CAST: variants seen among roughly 807,000 people sequenced by gnomAD.
CAST encodes the protein calpastatin.
A neutral mutation model predicts 119.6 loss-of-function variants in CAST; 76 were observed. The ratio of observed to expected loss-of-function variants is 0.64; its 90% CI spans 0.53 to 0.77. CAST has a LOEUF of 0.77. Among genes scored for constraint, CAST ranks in the 30% least tolerant of loss-of-function variants. CAST has a pLI of 0.00. For synonymous variants in CAST, 319 were observed against 331.6 expected (o/e 0.96, Z 0.41); for missense variants, 953 against 946.5 (o/e 1.01, Z -0.09).
chr5:96,633,664 A>G (rs1490128677), intron 1 of CAST, among the ~76,000 whole-genome samples: 1 of 152,212 alleles, frequency 6.6e-6, no homozygotes, highest in Admixed American at 6.5e-5. Flanking sequence ...CTATTTATTT[A>G]TGCCAATTTC....
At chr5:96,475,600 G>A in the CAST span, among the ~76,000 whole-genome samples, 1 of 152,206 alleles carries the variant, frequency 6.6e-6, no homozygotes, top group Admixed American at 6.5e-5. Flanking sequence ...GAGCCTCTGT[G>A]TAGAGGTTTG....
At chr5:96,112,353 A>G in the CAST span, among the ~76,000 whole-genome samples, 1 of 152,152 alleles carries the variant, frequency 6.6e-6, no homozygotes, top group Non-Finnish European at 1.5e-5. Context: ...TACTGAGTGA[A>G]AGTAAACATC....
the CAST span, among the ~76,000 whole-genome samples, chr5:96,410,282 G>A: frequency 2.0e-5 from 3 of 152,074 alleles, no homozygotes; most frequent in Admixed American, 2.0e-4. Context: ...GTTCACCTCA[G>A]GGGACACTGA....
chr5:96,203,287 A>G, the CAST span, among the ~76,000 whole-genome samples: 2 of 151,726 alleles, frequency 1.3e-5, no homozygotes, highest in African/African-American at 4.8e-5. Context: ...TCTTTTCATT[A>G]TTATGGTGTA....
Position 96,726,794 on chromosome 5 carries a change from G to A in CAST, c.271G>A (p.Ala91Thr), listed in dbSNP as rs1253768359. ...ACCTGGGGCTGTGCTCTTATATTAG[G>A]CCATTCCAGTCAGCCAACAGATGGA... is the stretch of plus-strand genomic sequence containing the variant. ...SSSMNPTETK[A>T]IPVSQQMEGP... is the part of the protein sequence containing the mutation. Residue 91 changes from alanine to threonine, a missense_variant and splice_region_variant, in exon 5 of 32, where the codon GCC becomes ACC. Transcript: ENST00000675179. The A allele has an allele frequency of 6.2e-7, 1 of 1,610,208 alleles. No individual in the cohort carries two copies. The highest frequency in any genetic ancestry group is 8.5e-7 in the Non-Finnish European group (1 of 1,176,962).
intron 3 of CAST, among the ~76,000 whole-genome samples, chr5:96,710,989 T>C (rs1262754068): frequency 6.6e-6 from 1 of 152,188 alleles, no homozygotes; most frequent in Non-Finnish European, 1.5e-5. Context: ...TATTGCAGTA[T>C]TGTGTGCTGA....
the CAST span, among the ~76,000 whole-genome samples, chr5:96,166,530 A>G: frequency 1.3e-5 from 2 of 152,186 alleles, no homozygotes; most frequent in Non-Finnish European, 2.9e-5. Context: ...ATCACAGCAA[A>G]TAACTGATTT....
chr5:96,053,168 T>C, the CAST span, among the ~76,000 whole-genome samples: 2 of 152,204 alleles, frequency 1.3e-5, no homozygotes, highest in Non-Finnish European at 2.9e-5. Context: ...ATATTGGCTA[T>C]ACATTGGAAA....
intron 1 of CAST, among the ~76,000 whole-genome samples, chr5:96,588,726 C>A (rs1419255564): frequency 6.6e-6 from 1 of 152,164 alleles, no homozygotes; most frequent in South Asian, 2.1e-4. Flanking sequence ...ATGTAACACA[C>A]CATGTACTAC....
At chr5:96,490,671 A>G in the CAST span, among the ~76,000 whole-genome samples, 3 of 152,080 alleles carry the variant, frequency 2.0e-5, no homozygotes, top group Admixed American at 1.3e-4. Context: ...ACAACAAATT[A>G]TGTTAAATTA....
the CAST span, chr5:96,210,188 A>G: frequency 6.6e-6 from 1 of 151,968 alleles, no homozygotes; most frequent in Non-Finnish European, 1.5e-5. Flanking sequence ...TCTTCTCTGT[A>G]TCATTCCAGT....
chr5:96,091,534 C>A, the CAST span, among the ~76,000 whole-genome samples: 1 of 108,592 alleles, frequency 9.2e-6, no homozygotes. Context: ...GAGATAGGGT[C>A]TTACTCTGTC....
the CAST span, among the ~76,000 whole-genome samples, chr5:95,974,634 G>A: frequency 6.6e-6 from 1 of 152,214 alleles, no homozygotes; most frequent in Non-Finnish European, 1.5e-5. Flanking sequence ...TTAAGTGCTT[G>A]AGGGGATAGC....
intron 3 of CAST, among the ~76,000 whole-genome samples, chr5:96,711,312 A>G (rs1012421281): frequency 2.0e-5 from 3 of 152,216 alleles, no homozygotes; most frequent in Admixed American, 2.0e-4. Flanking sequence ...ATATAAAACA[A>G]AGAAAAAGTT....
the CAST span, among the ~76,000 whole-genome samples, chr5:96,133,379 G>A: frequency 1.3e-4 from 20 of 152,014 alleles, no homozygotes; most frequent in Non-Finnish European, 5.9e-5. Context: ...AAAAGGATGT[G>A]GGGACAAGGC....
chr5:96,473,917 C>T, the CAST span, among the ~76,000 whole-genome samples: 1 of 152,116 alleles, frequency 6.6e-6, no homozygotes, highest in Non-Finnish European at 1.5e-5. Context: ...AGTCAGTGTC[C>T]TCCCAGTGCA....
chr5:96,131,998 A>G, the CAST span, among the ~76,000 whole-genome samples: 1 of 152,170 alleles, frequency 6.6e-6, no homozygotes, highest in African/African-American at 2.4e-5. Flanking sequence ...AAAATGGAAA[A>G]TGTAGTAGAA....
At chr5:96,493,004 C>T in the CAST span, among the ~76,000 whole-genome samples, 7 of 151,888 alleles carry the variant, frequency 4.6e-5, no homozygotes, top group Non-Finnish European at 1.0e-4. Flanking sequence ...TTTACAAAAA[C>T]AAACAAAAAA....
At chr5:96,478,133 G>A in the CAST span, among the ~76,000 whole-genome samples, 750 of 152,112 alleles carry the variant, frequency 4.9e-3, 4 homozygotes, top group African/African-American at 0.017. Flanking sequence ...CAATTTTCAC[G>A]ATTTATTACA....
Sources: gnomAD v4.1 joint callset for allele counts (sites outside exome capture counted in the v4.1 genomes callset) on GRCh38, gnomAD v4.1.1 for gene constraint, MANE v1.5 for transcripts, NCBI Gene and HGNC (gene_info 2026-07-23, HGNC 2026-07-21) for gene names.